Variants in COQ8A observed in about 807,000 individuals in gnomAD.
The protein encoded by COQ8A is atypical kinase COQ8A, mitochondrial.
Under a neutral mutation model 65.0 loss-of-function variants are expected in COQ8A, and 51 were observed. That is an observed-to-expected ratio of 0.78 (90% CI 0.63 to 0.99). COQ8A has a LOEUF of 0.99. COQ8A is among the 50% of genes least tolerant of loss of function. COQ8A has a pLI of 0.00. For missense variants in COQ8A, 940 were observed against 875.0 expected (o/e 1.07, Z -0.94); for synonymous variants, 371 against 353.2 (o/e 1.05, Z -0.57).
chr1:226,941,941 T>C (rs894438741), intron 1 of COQ8A, among the ~76,000 whole-genome samples: 2 of 152,124 alleles, frequency 1.3e-5, no homozygotes, highest in Non-Finnish European at 2.9e-5. Context: ...GTGTGTTATC[T>C]AAGACAAAGT....
At chr1:226,957,041 C>T (rs1657826345) in intron 1 of COQ8A, among the ~76,000 whole-genome samples, 1 of 149,240 alleles carries the variant, frequency 6.7e-6, no homozygotes, top group Non-Finnish European at 1.5e-5. Context: ...CACACTCTCC[C>T]TGGCTCCCAC....
intron 4 of COQ8A, among the ~76,000 whole-genome samples, chr1:226,973,314 T>A (rs1659007572): frequency 6.6e-6 from 1 of 152,228 alleles, no homozygotes; most frequent in African/African-American, 2.4e-5. Context: ...GGGGCTTTTC[T>A]GTGTATTTCA....
At chr1:226,947,708 A>G (rs1657126400) in intron 1 of COQ8A, among the ~76,000 whole-genome samples, 1 of 152,074 alleles carries the variant, frequency 6.6e-6, no homozygotes, top group African/African-American at 2.4e-5. Flanking sequence ...ACTCAGGATA[A>G]TCACCTGTGC....
chr1:226,960,439 G>GGTACTTGGTGGTGGTGGCA, intron 1 of COQ8A, among the ~76,000 whole-genome samples: 1 of 151,818 alleles, frequency 6.6e-6, no homozygotes, highest in East Asian at 1.9e-4. Context: ...GGTACTTGGT[G>GGTACTTGGTGGTGGTGGCA]GTACTTGGTG....
In COQ8A at chr1:226,986,950, T is replaced by C; in HGVS notation, c.*213T>C. On this transcript the variant is annotated 3_prime_UTR_variant, in exon 15 of 15. Coordinates refer to ENST00000366777, the MANE Select transcript of COQ8A (RefSeq NM_020247.5). ...AAGAATGAAGATGAAGCCCCACTGC[T>C]CGGTCAGTCTGCCTCCGTGTGTCCT... 1.6e-6 allele frequency: 1 copy of C among 620,892 alleles called. No homozygotes were observed. The highest frequency in any genetic ancestry group is 2.9e-5 in the Admixed American group (1 of 34,852). The allele number at this position is 620,892 out of a possible 1,614,324, so 38.5% of individuals were successfully genotyped here. A position where few individuals can be genotyped will look rare whatever the true frequency, so the allele number is the denominator to read the frequency against.
At chr1:226,985,482 G>C in intron 14 of COQ8A, 142 bp downstream of exon 14, 5 of 917,888 alleles carry the variant, frequency 5.4e-6, no homozygotes, top group Non-Finnish European at 8.7e-6. Flanking sequence ...CTGAAAGCTG[G>C]GGCCCACCCC....
At chr1:226,941,206 T>G (rs75566673) in intron 1 of COQ8A, among the ~76,000 whole-genome samples, 6,928 of 152,312 alleles carry the variant, frequency 0.045, 239 homozygotes, top group Non-Finnish European at 0.071. Context: ...GTGTGCAGTC[T>G]TCCAGCCTGA....
At chr1:226,977,633 T>C in intron 5 of COQ8A, 110 bp downstream of exon 5, 1 of 1,228,296 alleles carries the variant, frequency 8.1e-7, no homozygotes. Flanking sequence ...GGGCCGCATT[T>C]GCATGGGGTT....
rs534585974 is a variant in COQ8A, at chr1:226,983,050, C to T, written c.1080+16C>T. On this transcript the variant is annotated intron_variant, in intron 8 of 14. Coordinates refer to ENST00000366777, the MANE Select transcript of COQ8A (RefSeq NM_020247.5). ...GAAGATCCAGGTAGGCGGCCTGATG[C>T]GCAGTGCCTGTCCCTATGGGGGCTG... is the stretch of plus-strand genomic sequence containing the variant. 40 of 1,573,568 alleles carry T rather than the reference C, an allele frequency of 2.5e-5. No homozygotes were observed. Among genetic ancestry groups the T allele is most frequent in the Middle Eastern group, 4.3e-4 (2 of 4,638 alleles).
chr1:226,983,446 G>A, intron 8 of COQ8A, 106 bp from the exon 9 acceptor site: 1 of 1,057,166 alleles, frequency 9.5e-7, no homozygotes, highest in Non-Finnish European at 1.4e-6. Context: ...GTGTGGGCTG[G>A]GGCCAGGACA....
intron 1 of COQ8A, among the ~76,000 whole-genome samples, chr1:226,955,766 CCACTCCCTGGTTCA>C (rs1558183599): frequency 1.1e-5 from 1 of 89,746 alleles, no homozygotes. Flanking sequence ...TCCCTGGCTC[CCACTCCCTGGTTCA>C]CACTCTCCCT....
At chr1:226,956,847 C>T (rs1657804174) in intron 1 of COQ8A, among the ~76,000 whole-genome samples, 1 of 130,432 alleles carries the variant, frequency 7.7e-6, no homozygotes, top group South Asian at 2.8e-4. Flanking sequence ...CCCTGGCTCT[C>T]ACTCTCCCTG....
intron 1 of COQ8A, among the ~76,000 whole-genome samples, chr1:226,944,719 G>T (rs1429792774): frequency 3.6e-5 from 1 of 28,076 alleles, no homozygotes. Context: ...GAGAGAGAGA[G>T]AGAGAGAGAG....
chr1:226,951,190 T>C (rs186336179), intron 1 of COQ8A, among the ~76,000 whole-genome samples: 1 of 152,252 alleles, frequency 6.6e-6, no homozygotes, highest in Non-Finnish European at 1.5e-5. Flanking sequence ...CACACCCACG[T>C]CAGTGCTTGC....
chr1:226,968,453 TA>T (rs1350183079), intron 4 of COQ8A, among the ~76,000 whole-genome samples: 2 of 152,246 alleles, frequency 1.3e-5, no homozygotes, highest in Non-Finnish European at 2.9e-5. Flanking sequence ...ACATACTATT[TA>T]AGTATGTTCT....
At chr1:226,964,812 G>C (rs1658457362) in intron 2 of COQ8A, among the ~76,000 whole-genome samples, 188 bp from the exon 3 acceptor site, 1 of 152,234 alleles carries the variant, frequency 6.6e-6, no homozygotes, top group African/African-American at 2.4e-5. Flanking sequence ...AACAGAAGCA[G>C]GGCTGGAGCC....
chr1:226,945,547 G>A (rs1049542536), intron 1 of COQ8A, among the ~76,000 whole-genome samples: 3 of 152,190 alleles, frequency 2.0e-5, no homozygotes, highest in Admixed American at 6.5e-5. Context: ...TGTTTGACAC[G>A]TGCTTGAGCA....
intron 1 of COQ8A, among the ~76,000 whole-genome samples, chr1:226,960,239 GGTGGT>G (rs1658081664): frequency 6.7e-6 from 1 of 149,658 alleles, no homozygotes; most frequent in African/African-American, 2.5e-5. Flanking sequence ...ACTTGGTGGT[GGTGGT>G]CCTTGGTGGT....
At chr1:226,975,217 C>T (rs2148092606) in intron 4 of COQ8A, 1 of 152,396 alleles carries the variant, frequency 6.6e-6, no homozygotes, top group Non-Finnish European at 1.5e-5. Context: ...TCTCCCAGCT[C>T]TGAGCCCAGG....
Sources: allele counts gnomAD v4.1 joint callset (sites outside exome capture counted in the v4.1 genomes callset), GRCh38; gene constraint gnomAD v4.1.1; transcripts MANE v1.5; gene names NCBI Gene and HGNC (gene_info 2026-07-23, HGNC 2026-07-21).